Variants in CAB39 observed in about 807,000 individuals in gnomAD.
The protein encoded by CAB39 is calcium binding protein 39, also known as calcium-binding protein 39.
CAB39 carries 8 observed loss-of-function variants against 40.0 expected under a neutral mutation model. The ratio of observed to expected loss-of-function variants is 0.20; its 90% CI spans 0.12 to 0.36. CAB39 has a LOEUF of 0.36. CAB39 is among the 10% of genes least tolerant of loss of function. The probability of loss-of-function intolerance (pLI) is 1.00; values close to 1 mark genes in which losing one functional copy is unlikely to be tolerated. For missense variants in CAB39, 270 were observed against 401.1 expected (o/e 0.67, Z 2.79); for synonymous variants, 156 against 141.6 (o/e 1.10, Z -0.72).
chr2:230,748,224 C>T (rs1695010020), intron 1 of CAB39, among the ~76,000 whole-genome samples: 1 of 151,510 alleles, frequency 6.6e-6, no homozygotes, highest in Admixed American at 6.6e-5. Context: ...TGATGTTAAA[C>T]TTGTTCCTCC....
chr2:230,789,085 T>C (rs1460575493), intron 2 of CAB39, among the ~76,000 whole-genome samples: 1 of 152,220 alleles, frequency 6.6e-6, no homozygotes, highest in African/African-American at 2.4e-5. Context: ...CCCCCCTAAG[T>C]TTCATTTTAG....
chr2:230,717,234 G>T (rs1694366443), intron 1 of CAB39, among the ~76,000 whole-genome samples: 1 of 152,110 alleles, frequency 6.6e-6, no homozygotes, highest in Non-Finnish European at 1.5e-5. Context: ...TAAATTACTT[G>T]TGACTTGTTA....
chr2:230,733,883 A>T (rs1694738907), intron 1 of CAB39, among the ~76,000 whole-genome samples: 1 of 152,240 alleles, frequency 6.6e-6, no homozygotes, highest in African/African-American at 2.4e-5. Context: ...ATTTGCTTAT[A>T]TAATCTTGAA....
chr2:230,792,222 T>TGGA (rs1695904607), intron 3 of CAB39, among the ~76,000 whole-genome samples: 11 of 152,214 alleles, frequency 7.2e-5, no homozygotes, highest in Non-Finnish European at 1.5e-4. Flanking sequence ...CAATTTGTAT[T>TGGA]TCCTCTGCAA....
intron 1 of CAB39, among the ~76,000 whole-genome samples, chr2:230,741,417 T>A (rs73995137): frequency 0.041 from 6,208 of 152,286 alleles, 427 homozygotes; most frequent in African/African-American, 0.14. Context: ...ATGGAAATGG[T>A]TGCTCAGATT....
At chr2:230,725,505 T>C in intron 1 of CAB39, 2 of 1,035,684 alleles carry the variant, frequency 1.9e-6, no homozygotes, top group Non-Finnish European at 2.9e-6. Context: ...ACAGCCCTTT[T>C]TAATATCAAA....
chr2:230,788,080 C>T (rs750345146), intron 2 of CAB39, among the ~76,000 whole-genome samples: 5 of 152,164 alleles, frequency 3.3e-5, no homozygotes, highest in Middle Eastern at 3.2e-3. Context: ...TACTGCTTAA[C>T]GCTGAGGTTT....
chr2:230,736,401 A>G (rs1452392975), intron 1 of CAB39, among the ~76,000 whole-genome samples: 1 of 152,166 alleles, frequency 6.6e-6, no homozygotes, highest in Non-Finnish European at 1.5e-5. Context: ...CTTCTGTCTC[A>G]TCTTCCACGT....
intron 2 of CAB39, among the ~76,000 whole-genome samples, chr2:230,774,723 T>C (rs1369032571): frequency 6.6e-6 from 1 of 152,180 alleles, no homozygotes; most frequent in Non-Finnish European, 1.5e-5. Context: ...GGGAGTAGCC[T>C]CTTCATAGCA....
intron 2 of CAB39, among the ~76,000 whole-genome samples, chr2:230,762,912 G>T (rs570192180): frequency 6.6e-6 from 1 of 152,180 alleles, no homozygotes; most frequent in Non-Finnish European, 1.5e-5. Flanking sequence ...GCAATAGAAT[G>T]TACTGATGTG....
At chr2:230,739,929 A>G (rs1203686309) in intron 1 of CAB39, among the ~76,000 whole-genome samples, 1 of 152,258 alleles carries the variant, frequency 6.6e-6, no homozygotes, top group Non-Finnish European at 1.5e-5. Flanking sequence ...TACTAACTGC[A>G]AGTTCGATCT....
At chr2:230,736,290 C>A (rs1472816520) in intron 1 of CAB39, among the ~76,000 whole-genome samples, 1 of 152,132 alleles carries the variant, frequency 6.6e-6, no homozygotes, top group African/African-American at 2.4e-5. Context: ...AAAAGCTACA[C>A]CCTCGTGCTA....
chr2:230,802,753 G>T (rs1446595502), intron 5 of CAB39, among the ~76,000 whole-genome samples: 1 of 152,178 alleles, frequency 6.6e-6, no homozygotes, highest in Admixed American at 6.5e-5. Flanking sequence ...CTCTGAAATT[G>T]AGGCAATCAT....
intron 7 of CAB39, among the ~76,000 whole-genome samples, chr2:230,815,455 G>A (rs1696383397): frequency 6.6e-6 from 1 of 152,156 alleles, no homozygotes; most frequent in Non-Finnish European, 1.5e-5. Context: ...GATCCTCAAA[G>A]GGCTGAGGTA....
At chr2:230,746,002 A>G (rs1694969700) in intron 1 of CAB39, among the ~76,000 whole-genome samples, 1 of 152,194 alleles carries the variant, frequency 6.6e-6, no homozygotes, top group Non-Finnish European at 1.5e-5. Context: ...TTTGACTCAT[A>G]ATCTTAGAAA....
intron 1 of CAB39, among the ~76,000 whole-genome samples, chr2:230,730,213 G>T (rs1055621465): frequency 1.2e-4 from 19 of 152,108 alleles, no homozygotes; most frequent in African/African-American, 4.1e-4. Flanking sequence ...AGGCTCAAGT[G>T]ATCTTTCACC....
intron 6 of CAB39, 82 bp downstream of exon 6, chr2:230,810,404 A>G (rs1696283365): frequency 7.2e-6 from 4 of 554,630 alleles, no homozygotes; most frequent in African/African-American, 5.9e-5. Flanking sequence ...AGGTTTTTGT[A>G]CTAGAATATT....
intron 1 of CAB39, among the ~76,000 whole-genome samples, chr2:230,758,459 C>T (rs1254419011): frequency 1.3e-5 from 2 of 152,160 alleles, no homozygotes; most frequent in East Asian, 1.9e-4. Flanking sequence ...GAACAGTTCA[C>T]ATCAGAACAT....
chr2:230,778,939 G>A (rs891910608), intron 2 of CAB39: 1 of 152,096 alleles, frequency 6.6e-6, no homozygotes, highest in African/African-American at 2.4e-5. Flanking sequence ...GTGGTCTGCT[G>A]TTGACCAAGA....
Sources: allele counts gnomAD v4.1 joint callset (sites outside exome capture counted in the v4.1 genomes callset), GRCh38; gene constraint gnomAD v4.1.1; transcripts MANE v1.5; gene names NCBI Gene and HGNC (gene_info 2026-07-23, HGNC 2026-07-21).